The following NUDCD1 variants were observed in gnomAD, a reference collection of about 807,000 sequenced individuals.
NUDCD1 encodes the protein NudC domain containing 1, also known as nudC domain-containing protein 1.
NUDCD1 carries 60 observed loss-of-function variants against 67.8 expected under a neutral mutation model. That is an observed-to-expected ratio of 0.88 (90% CI 0.72 to 1.10). The LOEUF (loss-of-function observed/expected upper bound fraction) is 1.10, where lower values mean the gene tolerates loss of function less well. NUDCD1 is among the 50% of genes least tolerant of loss of function. The pLI is 0.00. For synonymous variants in NUDCD1, 244 were observed against 230.8 expected (o/e 1.06, Z -0.52); for missense variants, 643 against 695.0 (o/e 0.93, Z 0.84).
chr8:109,287,267 C>A (rs1015302739), intron 5 of NUDCD1, among the ~76,000 whole-genome samples: 3 of 152,102 alleles, frequency 2.0e-5, no homozygotes, highest in African/African-American at 7.2e-5. Context: ...ACAATTCAAC[C>A]CAGTAATCTC....
At chr8:109,321,178 G>A (rs545808602) in intron 2 of NUDCD1, among the ~76,000 whole-genome samples, 29 of 152,164 alleles carry the variant, frequency 1.9e-4, no homozygotes, top group Admixed American at 5.2e-4. Flanking sequence ...GATGCAATGC[G>A]CAGGAGGGCT....
chr8:109,255,240 G>T (rs1813702254), intron 8 of NUDCD1, among the ~76,000 whole-genome samples: 1 of 152,046 alleles, frequency 6.6e-6, no homozygotes, highest in Admixed American at 6.5e-5. Flanking sequence ...TTATAATCTA[G>T]TTTTGTCAGT....
At chr8:109,294,372 T>C (rs1411853161) in intron 3 of NUDCD1, among the ~76,000 whole-genome samples, 5 of 152,050 alleles carry the variant, frequency 3.3e-5, no homozygotes, top group African/African-American at 1.2e-4. Context: ...ATCATTCAAG[T>C]AATGGGCCTT....
In NUDCD1 at chr8:109,333,878, G is replaced by C. The variant is rs761630044; in HGVS notation, c.118+15C>G. ...GGGAAAGGAACGGAGTACGAAGGGC[G>C]CCGCCGCTTCCCACCTGCGTCAAGC... On this transcript the variant is annotated intron_variant, in intron 1 of 9. Transcript: ENST00000239690. 1.1e-5 allele frequency: 17 copies of C among 1,613,422 alleles called. No homozygotes were observed. Among genetic ancestry groups the C allele is most frequent in the Admixed American group, 1.7e-5 (1 of 59,968 alleles).
intron 2 of NUDCD1, among the ~76,000 whole-genome samples, chr8:109,299,290 T>C (rs1814919557): frequency 6.6e-6 from 1 of 152,010 alleles, no homozygotes; most frequent in African/African-American, 2.4e-5. Flanking sequence ...GTGGGCAGAC[T>C]CCACAGGCAG....
Position 109,287,646 on chromosome 8 carries a change from A to G in NUDCD1, c.823+2105T>C, listed in dbSNP as rs188206815. Among the ~76,000 whole-genome samples the G allele has an allele frequency of 3.9e-5, 6 of 152,270 alleles. No homozygotes were observed. The East Asian group carries it at 1.2e-3, about 29-fold the overall frequency. On this transcript the variant is annotated intron_variant, in intron 5 of 9. Transcript: ENST00000239690. ...TACAATAGGGACTACTAGAGGGGGT[A>G]GAAAGGGTTGAAAAAGTAACTGTTG...
rs34597876 is a variant in NUDCD1, at chr8:109,318,958, GTTT to G, written c.273+3348_273+3350del. 2.2e-3 allele frequency among the ~76,000 whole-genome samples: 290 copies of G among 131,452 alleles called. 2 individuals are homozygous for G. The highest frequency in any genetic ancestry group is 6.4e-3 in the African/African-American group (223 of 34,816). The allele number at this position is 131,452 out of a possible 152,430, so 86.2% of individuals were successfully genotyped here. A position where few individuals can be genotyped will look rare whatever the true frequency, so the allele number is the denominator to read the frequency against. ...ACAGGCCAATTCCTGCCCATTTTATGTTTTTTTTTTTTTTTTTGAGACGGACTC... is the reference window on the plus strand; with the variant it reads ...ACAGGCCAATTCCTGCCCATTTTATGTTTTTTTTTTTTTTGAGACGGACTC... On this transcript the variant is annotated intron_variant, in intron 2 of 9. Coordinates refer to ENST00000239690, the MANE Select transcript of NUDCD1 (RefSeq NM_032869.4).
At chr8:109,302,261 G>C (rs888618827) in intron 2 of NUDCD1, among the ~76,000 whole-genome samples, 1 of 152,098 alleles carries the variant, frequency 6.6e-6, no homozygotes, top group African/African-American at 2.4e-5. Flanking sequence ...CATCATACAA[G>C]ATCTAGATAA....
intron 8 of NUDCD1, among the ~76,000 whole-genome samples, chr8:109,270,096 G>C (rs1227965308): frequency 8.6e-6 from 1 of 116,466 alleles, no homozygotes; most frequent in Non-Finnish European, 1.8e-5. Context: ...CTTAAGGTGG[G>C]GTGTGAAATA....
At chr8:109,262,286 G>A (rs529880280) in intron 8 of NUDCD1, among the ~76,000 whole-genome samples, 3 of 152,310 alleles carry the variant, frequency 2.0e-5, no homozygotes, top group African/African-American at 7.2e-5. Flanking sequence ...GACTCCCATG[G>A]CTGAAGTGCT....
chr8:109,250,320 G>T (rs993868257), intron 8 of NUDCD1, among the ~76,000 whole-genome samples: 1 of 152,098 alleles, frequency 6.6e-6, no homozygotes, highest in Non-Finnish European at 1.5e-5. Context: ...TCTTAGGTTG[G>T]CCAGATGCCA....
intron 2 of NUDCD1, chr8:109,315,124 T>G (rs1395110497): frequency 6.6e-6 from 1 of 152,188 alleles, no homozygotes; most frequent in Non-Finnish European, 1.5e-5. Flanking sequence ...AAAAAGTTCC[T>G]TTTTCCTTTT....
intron 1 of NUDCD1, among the ~76,000 whole-genome samples, chr8:109,325,060 AG>A (rs1332617468): frequency 6.6e-6 from 1 of 152,200 alleles, no homozygotes; most frequent in Non-Finnish European, 1.5e-5. Flanking sequence ...ACTGCACTCC[AG>A]CCTGGGACAG....
At chr8:109,279,013 T>C (rs1814366303) in intron 6 of NUDCD1, among the ~76,000 whole-genome samples, 1 of 152,110 alleles carries the variant, frequency 6.6e-6, no homozygotes, top group South Asian at 2.1e-4. Context: ...ACCCCATCTC[T>C]ACAAAAAATA....
intron 2 of NUDCD1, among the ~76,000 whole-genome samples, chr8:109,310,223 A>G (rs921590665): frequency 7.9e-5 from 12 of 152,238 alleles, no homozygotes; most frequent in Admixed American, 6.5e-4. Context: ...AAACTATACT[A>G]TAAGACCATA....
At chr8:109,262,706 T>A (rs866785941) in intron 8 of NUDCD1, among the ~76,000 whole-genome samples, 5 of 152,128 alleles carry the variant, frequency 3.3e-5, no homozygotes, top group African/African-American at 1.2e-4. Flanking sequence ...AAGCTGTAAT[T>A]CATTCATTTG....
At chr8:109,267,739 T>C (rs1814035571) in intron 8 of NUDCD1, among the ~76,000 whole-genome samples, 10 of 152,204 alleles carry the variant, frequency 6.6e-5, no homozygotes, top group Admixed American at 6.5e-4. Flanking sequence ...ACTGGAAATG[T>C]CTCATCAAAT....
chr8:109,271,906 C>T (rs560989849), intron 7 of NUDCD1, among the ~76,000 whole-genome samples: 19 of 151,734 alleles, frequency 1.3e-4, no homozygotes, highest in South Asian at 4.2e-4. Flanking sequence ...GAGAAAAAAA[C>T]AAAAACAAAA....
chr8:109,309,196 A>G (rs1815180795), intron 2 of NUDCD1, among the ~76,000 whole-genome samples: 1 of 151,350 alleles, frequency 6.6e-6, no homozygotes, highest in African/African-American at 2.5e-5. Context: ...ATGAACCTAG[A>G]TGCTATAATC....
Sources: gnomAD v4.1 joint callset for allele counts (sites outside exome capture counted in the v4.1 genomes callset) on GRCh38, gnomAD v4.1.1 for gene constraint, MANE v1.5 for transcripts, NCBI Gene and HGNC (gene_info 2026-07-23, HGNC 2026-07-21) for gene names.